Variants in CCDC30 observed in about 807,000 individuals in gnomAD.
CCDC30 encodes coiled-coil domain-containing protein 30.
A neutral mutation model predicts 100.2 loss-of-function variants in CCDC30; 70 were observed. That is an observed-to-expected ratio of 0.70 (90% CI 0.58 to 0.85). The LOEUF (loss-of-function observed/expected upper bound fraction) is 0.85. Among genes scored for constraint, CCDC30 ranks in the 40% least tolerant of loss-of-function variants. The pLI, the probability that CCDC30 is intolerant of heterozygous loss-of-function variation, is 0.00. For missense variants in CCDC30, 652 were observed against 771.2 expected, an observed-to-expected ratio of 0.85 and a Z score of 1.83; for synonymous variants, 233 against 269.5, an observed-to-expected ratio of 0.86 and a Z score of 1.33.
intron 11 of CCDC30, among the ~76,000 whole-genome samples, chr1:42,614,558 G>A (rs1237949553): frequency 4.0e-5 from 6 of 151,540 alleles, no homozygotes; most frequent in Non-Finnish European, 5.9e-5. Flanking sequence ...AGGCTGAGGC[G>A]GGCAAATTAC....
At chr1:42,603,228 G>A (rs1646438784) in intron 10 of CCDC30, among the ~76,000 whole-genome samples, 1 of 152,184 alleles carries the variant, frequency 6.6e-6, no homozygotes, top group Non-Finnish European at 1.5e-5. Flanking sequence ...ACCCTCTGGA[G>A]GGGAGGAACT....
intron 1 of CCDC30, among the ~76,000 whole-genome samples, chr1:42,467,382 C>T (rs901345056): frequency 6.6e-6 from 1 of 152,138 alleles, no homozygotes; most frequent in Non-Finnish European, 1.5e-5. Context: ...AAGGCAGTAA[C>T]CCTAGACATG....
chr1:42,566,603 T>C (rs1202601368), intron 7 of CCDC30, 128 bp downstream of exon 11: 5 of 700,838 alleles, frequency 7.1e-6, no homozygotes, highest in Non-Finnish European at 1.2e-5. Flanking sequence ...AGCTATCTGG[T>C]AACTTCCTCC....
At chr1:42,624,454 G>T (rs1646896144) in intron 11 of CCDC30, among the ~76,000 whole-genome samples, 1 of 152,050 alleles carries the variant, frequency 6.6e-6, no homozygotes, top group South Asian at 2.1e-4. Flanking sequence ...TCTTTTTAAT[G>T]TATTATCGAA....
At chr1:42,532,276 A>T in intron 6 of CCDC30, among the ~76,000 whole-genome samples, 1 of 152,200 alleles carries the variant, frequency 6.6e-6, no homozygotes, top group East Asian at 1.9e-4. Flanking sequence ...AACTCTGTAA[A>T]GGGCTTTTCC....
In CCDC30 at chr1:42,646,163, G is replaced by A. The variant is rs1406490460; in HGVS notation, c.1700G>A (p.Trp567Ter). The A allele has an allele frequency of 6.3e-7, 1 of 1,597,330 alleles. No individual in the cohort carries two copies. Among genetic ancestry groups the A allele is most frequent in the Non-Finnish European group, 8.5e-7 (1 of 1,173,880 alleles). Residue 567 changes from tryptophan to a stop codon, truncating the protein, a stop_gained, in exon 15 of 17, where the codon TGG (tryptophan) becomes TAG (stop). Transcript: ENST00000668663. LOFTEE classifies it high-confidence loss of function. ...CTTAAGGAGTTTCCTGTTCCAAAAT[G>A]GTGGCATAGAGGCAAGCTGGCTTCT...
chr1:42,618,229 C>CTTTTTTTTTTTTTTTTTTTTT (rs563022326), intron 11 of CCDC30, among the ~76,000 whole-genome samples: 1 of 90,462 alleles, frequency 1.1e-5, no homozygotes, highest in African/African-American at 4.5e-5. Flanking sequence ...CCAGTGATAT[C>CTTTTTTTTTTTTTTTTTTTTT]TTTTTTTTTT....
intron 6 of CCDC30, among the ~76,000 whole-genome samples, chr1:42,541,724 T>C (rs1342408798): frequency 6.6e-6 from 1 of 152,250 alleles, no homozygotes; most frequent in Non-Finnish European, 1.5e-5. Flanking sequence ...TCATTAAAAG[T>C]TTCTGTTTTG....
intron 6 of CCDC30, among the ~76,000 whole-genome samples, chr1:42,553,698 ACATTTGCATTTTCC>A (rs1384766612): frequency 7.7e-6 from 1 of 129,824 alleles, no homozygotes; most frequent in African/African-American, 2.8e-5. Context: ...CACACGGTAT[ACATTTGCATTTTCC>A]CAGTCTTAAT....
downstream of CCDC30, among the ~76,000 whole-genome samples, chr1:42,655,611 G>C (rs562802734): frequency 3.3e-5 from 5 of 152,156 alleles, no homozygotes; most frequent in Non-Finnish European, 2.9e-5. Context: ...TTTTCCTGGG[G>C]GAGGGGGTAT....
intron 6 of CCDC30, among the ~76,000 whole-genome samples, chr1:42,533,225 C>G (rs1644834794): frequency 6.6e-6 from 1 of 151,924 alleles, no homozygotes; most frequent in East Asian, 1.9e-4. Context: ...TTGTCTGTGG[C>G]AAGTTAGAGA....
At chr1:42,536,299 A>T (rs1454617413) in intron 6 of CCDC30, among the ~76,000 whole-genome samples, 177 bp from the exon 7 acceptor site, 2 of 152,174 alleles carry the variant, frequency 1.3e-5, no homozygotes, top group Admixed American at 6.5e-5. Flanking sequence ...ACATTTTACC[A>T]TTGTGTAAAT....
intron 15 of CCDC30, 111 bp from the exon 20 acceptor site, chr1:42,653,261 ATTGT>A (rs1000781068): frequency 2.6e-5 from 13 of 505,040 alleles, no homozygotes; most frequent in African/African-American, 2.0e-4. Context: ...TATGTTTTTC[ATTGT>A]TTGTACTATG....
At chr1:42,561,298 C>T (rs1645482283) in intron 6 of CCDC30, among the ~76,000 whole-genome samples, 1 of 152,170 alleles carries the variant, frequency 6.6e-6, no homozygotes, top group Non-Finnish European at 1.5e-5. Context: ...AAGGCTGGTT[C>T]AACATACACA....
chr1:42,551,110 C>T (rs1645243412), intron 6 of CCDC30, among the ~76,000 whole-genome samples: 2 of 152,040 alleles, frequency 1.3e-5, no homozygotes, highest in Non-Finnish European at 2.9e-5. Flanking sequence ...CTTCAAAAAT[C>T]CCAAAAAGCT....
intron 7 of CCDC30, among the ~76,000 whole-genome samples, chr1:42,575,679 CAT>C (rs1645822820): frequency 2.0e-5 from 2 of 100,610 alleles, no homozygotes; most frequent in Non-Finnish European, 4.3e-5. Context: ...AACAAAAAAA[CAT>C]AGTCTCTGCT....
chr1:42,640,603 T>A (rs902729172), intron 12 of CCDC30, among the ~76,000 whole-genome samples: 4 of 152,160 alleles, frequency 2.6e-5, no homozygotes, highest in Admixed American at 2.6e-4. Context: ...TCTTTAATAA[T>A]AGATGGATGG....
chr1:42,461,472 A>G (rs1252060254), upstream of CCDC30, among the ~76,000 whole-genome samples: 2 of 152,070 alleles, frequency 1.3e-5, no homozygotes, highest in African/African-American at 4.8e-5. Context: ...AGCAGCTGAG[A>G]CTACAGGTGT....
chr1:42,494,489 G>GATC (rs1644198012), intron 4 of CCDC30, among the ~76,000 whole-genome samples: 1 of 152,118 alleles, frequency 6.6e-6, no homozygotes, highest in African/African-American at 2.4e-5. Flanking sequence ...GGCAACAAAA[G>GATC]CCAAAATTGA....
Sources: gnomAD v4.1 joint callset for allele counts (sites outside exome capture counted in the v4.1 genomes callset) on GRCh38, gnomAD v4.1.1 for gene constraint, MANE v1.5 for transcripts, NCBI Gene and HGNC (gene_info 2026-07-23, HGNC 2026-07-21) for gene names.